TPTE: variants seen among roughly 807,000 people sequenced by gnomAD.
TPTE encodes putative tyrosine-protein phosphatase TPTE.
TPTE carries 59 observed loss-of-function variants against 84.1 expected under a neutral mutation model. The observed-to-expected ratio is 0.70, with a 90% CI of 0.57 to 0.87. TPTE has a LOEUF of 0.87. Ranked by LOEUF, TPTE falls within the 40% of genes least tolerant of loss-of-function variation. TPTE has a pLI of 0.00. For synonymous variants in TPTE, 130 were observed against 223.5 expected (o/e 0.58, Z 3.73); for missense variants, 382 against 659.6 (o/e 0.58, Z 4.61).
chr21:10,592,165 A>G, intron 18 of TPTE, 128 bp from the exon 19 acceptor site: 1 of 1,498,074 alleles, frequency 6.7e-7, no homozygotes, highest in Non-Finnish European at 9.1e-7. Context: ...ACTCTACCAA[A>G]AAAACAAACA....
At chr21:10,524,410 G>A (rs932677540) in intron 1 of TPTE, among the ~76,000 whole-genome samples, 170 bp from the exon 2 acceptor site, 2 of 152,420 alleles carry the variant, frequency 1.3e-5, no homozygotes, top group African/African-American at 4.8e-5. Flanking sequence ...ACCCGTGGGT[G>A]TAAGGCCAAA....
chr21:10,575,384 G>T, intron 14 of TPTE, among the ~76,000 whole-genome samples: 1 of 152,430 alleles, frequency 6.6e-6, no homozygotes, highest in East Asian at 1.9e-4. Flanking sequence ...AGCTCCTGGT[G>T]GGAGGGGCAG....
chr21:10,560,897 G>C, intron 9 of TPTE, 133 bp from the exon 10 acceptor site: 1 of 1,116,482 alleles, frequency 9.0e-7, no homozygotes, highest in South Asian at 2.0e-5. Context: ...AGTTTTTCCT[G>C]CCACTGGGCA....
At chr21:10,570,951 A>AC (rs1235034099) in intron 14 of TPTE, among the ~76,000 whole-genome samples, 5 of 152,408 alleles carry the variant, frequency 3.3e-5, no homozygotes, top group Admixed American at 1.3e-4. Flanking sequence ...TGCTAAATGC[A>AC]CCCCCCAAGG....
At chr21:10,591,028 A>G (rs1276870221) in intron 18 of TPTE, among the ~76,000 whole-genome samples, 2 of 152,310 alleles carry the variant, frequency 1.3e-5, no homozygotes, top group African/African-American at 2.4e-5. Context: ...TGAGAATAGT[A>G]TCAAGCTTAA....
At chr21:10,572,611 G>GA (rs397944742) in intron 14 of TPTE, among the ~76,000 whole-genome samples, 27,078 of 136,612 alleles carry the variant, frequency 0.2, 287 homozygotes, top group African/African-American at 0.48. Flanking sequence ...AGTACCGAAG[G>GA]AAAAAAAAAA....
intron 7 of TPTE, among the ~76,000 whole-genome samples, chr21:10,545,365 A>G (rs545072065): frequency 1.4e-3 from 214 of 152,334 alleles, no homozygotes; most frequent in African/African-American, 4.8e-3. Flanking sequence ...ATATATTAAT[A>G]GTAGATTCCA....
intron 4 of TPTE, 114 bp downstream of exon 4, chr21:10,538,848 G>C (rs572752751): frequency 8.1e-6 from 13 of 1,605,328 alleles, no homozygotes; most frequent in African/African-American, 1.3e-5. Context: ...GCATCCATCC[G>C]TACACACTTC....
chr21:10,604,741 AT>A (rs150679063), intron 23 of TPTE, among the ~76,000 whole-genome samples: 139 of 150,620 alleles, frequency 9.2e-4, no homozygotes, highest in Middle Eastern at 3.5e-3. Flanking sequence ...AAAGGATACC[AT>A]TTTTTTTTTC....
chr21:10,599,358 A>G (rs1281063663), intron 21 of TPTE, among the ~76,000 whole-genome samples: 1 of 152,312 alleles, frequency 6.6e-6, no homozygotes, highest in African/African-American at 2.4e-5. Context: ...CTCCTTCTAT[A>G]ATGCAATGTA....
At chr21:10,551,084 G>A (rs1600887147) in intron 7 of TPTE, among the ~76,000 whole-genome samples, 1 of 152,214 alleles carries the variant, frequency 6.6e-6, no homozygotes, top group African/African-American at 2.4e-5. Context: ...TACCAAAACA[G>A]GGGACGCAGC....
chr21:10,545,835 CTATA>C (rs1315543151), intron 7 of TPTE, among the ~76,000 whole-genome samples: 2 of 151,730 alleles, frequency 1.3e-5, no homozygotes, highest in African/African-American at 2.4e-5. Flanking sequence ...ATATACATAT[CTATA>C]TATAGATATA....
chr21:10,572,512 A>G (rs1456428367), intron 14 of TPTE, among the ~76,000 whole-genome samples: 2 of 152,308 alleles, frequency 1.3e-5, no homozygotes, highest in African/African-American at 4.8e-5. Context: ...ATCAAGTCAC[A>G]TATAAGGGAA....
At chr21:10,569,229 G>T (rs1232529595) in intron 11 of TPTE, among the ~76,000 whole-genome samples, 1 of 152,308 alleles carries the variant, frequency 6.6e-6, no homozygotes, top group Non-Finnish European at 1.5e-5. Context: ...TTCACTAGAT[G>T]TAAGTAACAC....
At chr21:10,533,729 C>T (rs545680593) in intron 3 of TPTE, among the ~76,000 whole-genome samples, 207 of 152,294 alleles carry the variant, frequency 1.4e-3, no homozygotes, top group Admixed American at 0.011. Flanking sequence ...AGTGATGTGC[C>T]CCAGGGTAGA....
intron 8 of TPTE, among the ~76,000 whole-genome samples, chr21:10,555,020 G>T (rs2074654765): frequency 6.6e-6 from 1 of 152,304 alleles, no homozygotes; most frequent in Non-Finnish European, 1.5e-5. Context: ...TGTCCAGTGG[G>T]AGAGATAGCA....
chr21:10,547,664 C>T (rs1306735317), intron 7 of TPTE, among the ~76,000 whole-genome samples: 3 of 152,306 alleles, frequency 2.0e-5, no homozygotes. Context: ...GTGTGCCCTC[C>T]TCTGGGGGCC....
At chr21:10,524,049 C>T (rs537541749) in intron 1 of TPTE, among the ~76,000 whole-genome samples, 1 of 152,428 alleles carries the variant, frequency 6.6e-6, no homozygotes, top group Non-Finnish European at 1.5e-5. Flanking sequence ...TTCTATTCCC[C>T]ATTCTACAAG....
intron 13 of TPTE, 98 bp downstream of exon 13, chr21:10,569,844 T>C (rs563545069): frequency 1.9e-6 from 3 of 1,611,082 alleles, no homozygotes; most frequent in Middle Eastern, 1.6e-4. Flanking sequence ...ATTCAAAATA[T>C]TCTTTATTCA....
Sources: gnomAD v4.1 joint callset for allele counts (sites outside exome capture counted in the v4.1 genomes callset) on GRCh38, gnomAD v4.1.1 for gene constraint, MANE v1.5 for transcripts, NCBI Gene and HGNC (gene_info 2026-07-23, HGNC 2026-07-21) for gene names.